The following AUTS2 variants were observed in gnomAD, a reference collection of about 807,000 sequenced individuals.
AUTS2 encodes the protein autism susceptibility gene 2 protein.
AUTS2 carries 17 observed loss-of-function variants against 112.4 expected under a neutral mutation model. The ratio of observed to expected loss-of-function variants is 0.15; its 90% CI spans 0.10 to 0.23. The LOEUF (loss-of-function observed/expected upper bound fraction) is 0.23. Among genes scored for constraint, AUTS2 ranks in the 10% least tolerant of loss-of-function variants. The pLI, the probability that AUTS2 is intolerant of heterozygous loss-of-function variation, is 1.00. For missense variants in AUTS2, 1,510 were observed against 1,701.6 expected, an observed-to-expected ratio of 0.89 and a Z score of 1.98; for synonymous variants, 751 against 702.7, an observed-to-expected ratio of 1.07 and a Z score of -1.09.
chr7:70,075,711 G>A (rs936242030), intron 2 of AUTS2, among the ~76,000 whole-genome samples: 1 of 152,090 alleles, frequency 6.6e-6, no homozygotes, highest in African/African-American at 2.4e-5. Context: ...ATGGAGAAGG[G>A]GAATTGTAGA....
intron 1 of AUTS2, among the ~76,000 whole-genome samples, chr7:69,638,806 A>T (rs902504218): frequency 6.6e-6 from 1 of 152,238 alleles, no homozygotes; most frequent in Non-Finnish European, 1.5e-5. Context: ...TTAGTCAGGA[A>T]TTGAGGAGGA....
At chr7:70,449,749 A>G (rs1796455003) in intron 5 of AUTS2, among the ~76,000 whole-genome samples, 1 of 152,232 alleles carries the variant, frequency 6.6e-6, no homozygotes, top group South Asian at 2.1e-4. Flanking sequence ...AGTGCTATTC[A>G]CAGATTAGTT....
At position 70,764,838 on chromosome 7, in the gene AUTS2, C is replaced by T; in HGVS notation, c.1301C>T (p.Ser434Phe). The change falls in exon 8 of 19, where the codon TCC becomes TTC. Residue 434 changes from serine (S) to phenylalanine (F), a missense_variant. Ser to Phe is a radical substitution (Grantham distance 155, BLOSUM62 -2). Transcript: ENST00000342771. ...HHPSASPFPL[S>F]LPNHSPLHSF... ...CCCTCTGCCTCCCCGTTCCCCCTCT[C>T]CCTGCCCAACCACAGCCCCCTGCAC... is the stretch of plus-strand genomic sequence containing the variant. The T allele has an allele frequency of 1.6e-6, 2 of 1,263,872 alleles. No homozygotes were observed. Among genetic ancestry groups the T allele is most frequent in the Non-Finnish European group, 2.2e-6 (2 of 894,696 alleles). The allele number at this position is 1,263,872 out of a possible 1,614,324, so 78.3% of individuals were successfully genotyped here.
intron 1 of AUTS2, among the ~76,000 whole-genome samples, chr7:69,704,484 TA>T (rs1466118036): frequency 6.6e-6 from 1 of 152,094 alleles, no homozygotes; most frequent in East Asian, 1.9e-4. Flanking sequence ...TTCATCGTGC[TA>T]ACCAGGATGG....
intron 5 of AUTS2, among the ~76,000 whole-genome samples, chr7:70,656,515 A>G (rs191754986): frequency 6.6e-6 from 1 of 152,344 alleles, no homozygotes; most frequent in African/African-American, 2.4e-5. Flanking sequence ...AATACTTTCT[A>G]TCTGTAGAGA....
At chr7:69,703,836 T>G (rs781522109) in intron 1 of AUTS2, among the ~76,000 whole-genome samples, 2 of 152,230 alleles carry the variant, frequency 1.3e-5, no homozygotes, top group Non-Finnish European at 2.9e-5. Context: ...TTTTGCTAGC[T>G]TTTTAAAATG....
chr7:70,792,044 T>TA lies in AUTS2; in HGVS notation c.*1049dup. ...TCCTCGTTTTGTAATGAGATTTACTTACACCCAAACAGATCCTGAAAGAAA... is the reference window on the plus strand; with the variant it reads ...TCCTCGTTTTGTAATGAGATTTACTTAACACCCAAACAGATCCTGAAAGAAA... On this transcript the variant is annotated 3_prime_UTR_variant, in exon 19 of 19. Transcript: ENST00000342771. 6.5e-6 allele frequency: 1 copy of TA among 152,788 alleles called. No homozygotes were observed. The highest frequency in any genetic ancestry group is 1.9e-4 in the East Asian group (1 of 5,190). 9.5% of individuals were successfully genotyped at this position (152,788 alleles called of 1,614,324 possible). A position where few individuals can be genotyped will look rare whatever the true frequency, so the allele number is the denominator to read the frequency against.
rs781383039 is a variant in AUTS2, at chr7:70,790,741, C to G, written c.3525C>G (p.Leu1175=). 3.1e-6 allele frequency: 5 copies of G among 1,613,422 alleles called. No homozygotes were observed. The East Asian group carries it at 8.9e-5, about 29-fold the overall frequency. Residue 1175 remains leucine, a synonymous_variant, in exon 19 of 19, where the codon CTC becomes CTG. Coordinates refer to ENST00000342771, the MANE Select transcript of AUTS2 (RefSeq NM_015570.4). This position sits in a 1 kb window ranked among gnomAD's most constrained non-coding sequence, Gnocchi z 7.6. ...TRLHSVHPAS[L]DGHLPHPSLI... The stretch of plus-strand genomic sequence containing the variant: ...TCCACTCCGTGCACCCCGCCTCCCT[C>G]GACGGACACCTCCCCCACCCCAGCC...
chr7:70,683,366 A>G (rs142371038), intron 5 of AUTS2, among the ~76,000 whole-genome samples: 1 of 152,298 alleles, frequency 6.6e-6, no homozygotes, highest in Non-Finnish European at 1.5e-5. Context: ...CTGCGTATCA[A>G]CCCATCTCTT....
intron 5 of AUTS2, among the ~76,000 whole-genome samples, chr7:70,676,809 G>A (rs1807935343): frequency 6.6e-6 from 1 of 151,920 alleles, no homozygotes; most frequent in Admixed American, 6.6e-5. Context: ...CCCAGGAGGT[G>A]GAGGTTGCAG....
chr7:69,807,472 G>C (rs1341174271), intron 1 of AUTS2, among the ~76,000 whole-genome samples: 1 of 152,082 alleles, frequency 6.6e-6, no homozygotes, highest in African/African-American at 2.4e-5. Context: ...GATTCCAGGA[G>C]TAAAGGTACT....
chr7:70,665,806 C>T (rs1447005346), intron 5 of AUTS2, among the ~76,000 whole-genome samples: 8 of 152,116 alleles, frequency 5.3e-5, no homozygotes, highest in Admixed American at 3.9e-4. Flanking sequence ...TGTATTCTGC[C>T]GGGCCAACTG....
intron 4 of AUTS2, among the ~76,000 whole-genome samples, chr7:70,321,704 A>G (rs1790262930): frequency 6.6e-6 from 1 of 152,214 alleles, no homozygotes; most frequent in Non-Finnish European, 1.5e-5. Context: ...CCAGATAAAT[A>G]TGCAGATAGT....
chr7:69,602,916 G>C (rs2129070976), intron 1 of AUTS2, among the ~76,000 whole-genome samples: 1 of 152,300 alleles, frequency 6.6e-6, no homozygotes, highest in African/African-American at 2.4e-5. Context: ...TAAAACCTCT[G>C]GTGGTCCACT....
At chr7:70,089,923 C>T (rs555714546) in intron 2 of AUTS2, among the ~76,000 whole-genome samples, 1 of 152,042 alleles carries the variant, frequency 6.6e-6, no homozygotes, top group South Asian at 2.1e-4. Context: ...AGGTGAATTG[C>T]TTGAGCCCAG....
intron 5 of AUTS2, among the ~76,000 whole-genome samples, chr7:70,639,166 C>T (rs1277749211): frequency 1.3e-5 from 2 of 152,134 alleles, no homozygotes; most frequent in Admixed American, 6.5e-5. Flanking sequence ...TCCCCGCTGC[C>T]GCCGCCACCA....
At chr7:70,409,353 G>A (rs774287212) in intron 4 of AUTS2, among the ~76,000 whole-genome samples, 5 of 152,120 alleles carry the variant, frequency 3.3e-5, no homozygotes, top group Non-Finnish European at 7.4e-5. Flanking sequence ...ATGTGTGTGT[G>A]TGTATTTATG....
intron 5 of AUTS2, among the ~76,000 whole-genome samples, chr7:70,515,049 CCATT>C (rs1373932738): frequency 6.6e-6 from 1 of 151,772 alleles, no homozygotes; most frequent in Non-Finnish European, 1.5e-5. Flanking sequence ...TGTTTTGTAA[CCATT>C]CATTATTTCC....
chr7:70,458,007 G>T (rs1369788865), intron 5 of AUTS2, among the ~76,000 whole-genome samples: 1 of 151,720 alleles, frequency 6.6e-6, no homozygotes, highest in African/African-American at 2.4e-5. Flanking sequence ...AGTGAGAGGG[G>T]CCTAGAAAAG....
Sources: allele counts gnomAD v4.1 joint callset (sites outside exome capture counted in the v4.1 genomes callset), GRCh38; gene constraint gnomAD v4.1.1; non-coding constraint Gnocchi (gnomAD v3.1); transcripts MANE v1.5; gene names NCBI Gene and HGNC (gene_info 2026-07-23, HGNC 2026-07-21).